Variants in DTD1 observed in about 807,000 individuals in gnomAD.
DTD1 encodes D-aminoacyl-tRNA deacylase 1, also known as D-tyrosyl-tRNA deacylase 1 homolog.
DTD1 carries 13 observed loss-of-function variants against 25.6 expected under a neutral mutation model. The ratio of observed to expected loss-of-function variants is 0.51; its 90% CI spans 0.33 to 0.81. The LOEUF (loss-of-function observed/expected upper bound fraction) is 0.81. Among genes scored for constraint, DTD1 ranks in the 30% least tolerant of loss-of-function variants. DTD1 has a pLI of 0.02. For synonymous variants in DTD1, 110 were observed against 103.6 expected, an observed-to-expected ratio of 1.06 and a Z score of -0.37; for missense variants, 193 against 266.4, an observed-to-expected ratio of 0.72 and a Z score of 1.92.
intron 4 of DTD1, among the ~76,000 whole-genome samples, chr20:18,724,975 C>T (rs149027734): frequency 1.4e-3 from 211 of 152,304 alleles, no homozygotes; most frequent in Admixed American, 5.3e-3. Context: ...GGGCTCAGCC[C>T]GTGAGTGAGG....
chr20:18,693,016 G>A (rs566092877), intron 4 of DTD1, among the ~76,000 whole-genome samples: 53 of 147,132 alleles, frequency 3.6e-4, no homozygotes, highest in African/African-American at 9.8e-4. Flanking sequence ...TCAGCCTCCC[G>A]AGTAGCTGGG....
At chr20:18,652,822 C>G (rs2060879094) in intron 4 of DTD1, among the ~76,000 whole-genome samples, 1 of 152,130 alleles carries the variant, frequency 6.6e-6, no homozygotes. Flanking sequence ...GACTGCAAAA[C>G]TCTATGCAGA....
chr20:18,754,399 C>T (rs983648776), intron 5 of DTD1, among the ~76,000 whole-genome samples: 1 of 152,216 alleles, frequency 6.6e-6, no homozygotes, highest in African/African-American at 2.4e-5. Context: ...GCACCTCTTA[C>T]TACTGCCTGT....
chr20:18,612,387 AG>A (rs1170265714), intron 3 of DTD1, among the ~76,000 whole-genome samples: 1 of 151,982 alleles, frequency 6.6e-6, no homozygotes, highest in Non-Finnish European at 1.5e-5. Flanking sequence ...ACCTCTGTTG[AG>A]GGCTTGTTAT....
chr20:18,614,559 G>A (rs2060701418), intron 3 of DTD1, among the ~76,000 whole-genome samples: 1 of 152,152 alleles, frequency 6.6e-6, no homozygotes, highest in South Asian at 2.1e-4. Flanking sequence ...ATGGAGGAGT[G>A]GAAGAGAGAC....
At chr20:18,662,221 T>C (rs968468726) in intron 4 of DTD1, among the ~76,000 whole-genome samples, 1 of 152,168 alleles carries the variant, frequency 6.6e-6, no homozygotes, top group Non-Finnish European at 1.5e-5. Context: ...CAAGCTCCCA[T>C]GTTTTGCCTT....
chr20:18,722,160 T>C (rs1384527081), intron 4 of DTD1, among the ~76,000 whole-genome samples: 1 of 152,226 alleles, frequency 6.6e-6, no homozygotes. Context: ...ATCCCCACTC[T>C]CCTCTAGCTA....
At position 18,639,186 on chromosome 20, in the gene DTD1, A is replaced by AAG. The variant is rs565419628; in HGVS notation, c.477+10954_477+10955insGA. On this transcript the variant is annotated intron_variant, in intron 4 of 5. Transcript: ENST00000377452. ...GTTTGATGGTTTTTTTTTTAAGAAA[A>AAG]AAAAAAAAAAAAGCAAGCAAGTTCA... Among the ~76,000 whole-genome samples the AAG allele has an allele frequency of 3.4e-3, 506 of 150,880 alleles. 1 individual carries two copies. The highest frequency in any genetic ancestry group is 0.011 in the African/African-American group (464 of 41,150).
At chr20:18,721,248 G>GT (rs1006866505) in intron 4 of DTD1, among the ~76,000 whole-genome samples, 89 of 151,944 alleles carry the variant, frequency 5.9e-4, no homozygotes, top group African/African-American at 2.0e-3. Context: ...GTTTGAGCAC[G>GT]TTTTTTTTCT....
intron 4 of DTD1, chr20:18,632,180 C>T (rs1326747601): frequency 2.0e-6 from 2 of 985,214 alleles, no homozygotes; most frequent in African/African-American, 3.5e-5. Flanking sequence ...ATCAAAAAAT[C>T]CTCAAGTAGG....
At chr20:18,645,272 CAGG>C (rs931811496) in intron 4 of DTD1, among the ~76,000 whole-genome samples, 3 of 152,162 alleles carry the variant, frequency 2.0e-5, no homozygotes, top group African/African-American at 7.2e-5. Context: ...AGTGCAGCAT[CAGG>C]AGTTTTATTG....
At chr20:18,756,718 T>C (rs1337897175) in intron 5 of DTD1, among the ~76,000 whole-genome samples, 1 of 151,932 alleles carries the variant, frequency 6.6e-6, no homozygotes, top group Non-Finnish European at 1.5e-5. Flanking sequence ...CCTCCAGCTT[T>C]GTTCTTTTGG....
chr20:18,592,712 T>C (rs1203407073), intron 1 of DTD1: 2 of 150,534 alleles, frequency 1.3e-5, no homozygotes, highest in African/African-American at 2.4e-5. Flanking sequence ...GTCACTCTTG[T>C]CACCCAGGCT....
intron 4 of DTD1, chr20:18,643,120 G>A (rs1258577609): frequency 1.2e-5 from 2 of 166,718 alleles, no homozygotes; most frequent in Non-Finnish European, 2.6e-5. Context: ...TCTCCATGTT[G>A]GTCAGGCTGG....
At chr20:18,600,407 A>G (rs2060628961) in intron 3 of DTD1, among the ~76,000 whole-genome samples, 1 of 152,272 alleles carries the variant, frequency 6.6e-6, no homozygotes, top group African/African-American at 2.4e-5. Context: ...AGATCAATTC[A>G]CTGTATTTAT....
intron 4 of DTD1, among the ~76,000 whole-genome samples, chr20:18,708,297 AATATATATATTTTATATATATATTAT>A (rs1568677006): frequency 0.011 from 437 of 38,460 alleles, 18 homozygotes; most frequent in Non-Finnish European, 0.015. Flanking sequence ...ATATATATAT[AATATATATATTTTATATATATATTAT>A]ATATATATAT....
At chr20:18,661,732 T>G (rs935359133) in intron 4 of DTD1, among the ~76,000 whole-genome samples, 4 of 151,924 alleles carry the variant, frequency 2.6e-5, no homozygotes, top group Admixed American at 6.6e-5. Flanking sequence ...TTAAACAAAG[T>G]AATAATATTT....
intron 4 of DTD1, among the ~76,000 whole-genome samples, chr20:18,738,743 C>T (rs2122514237): frequency 6.6e-6 from 1 of 152,264 alleles, no homozygotes; most frequent in Non-Finnish European, 1.5e-5. Context: ...AGACTCCTGC[C>T]AGCAGGGAGG....
At chr20:18,612,015 C>T (rs534286295) in intron 3 of DTD1, among the ~76,000 whole-genome samples, 51 of 147,874 alleles carry the variant, frequency 3.4e-4, no homozygotes, top group Middle Eastern at 3.5e-3. Context: ...CGACCGTGCC[C>T]GGCTAATTAA....
Sources: allele counts gnomAD v4.1 joint callset (sites outside exome capture counted in the v4.1 genomes callset), GRCh38; gene constraint gnomAD v4.1.1; transcripts MANE v1.5; gene names NCBI Gene and HGNC (gene_info 2026-07-23, HGNC 2026-07-21).